PPM1G: variants seen among roughly 807,000 people sequenced by gnomAD.
PPM1G encodes protein phosphatase 1G.
PPM1G carries 12 observed loss-of-function variants against 59.4 expected under a neutral mutation model. That is an observed-to-expected ratio of 0.20 (90% CI 0.13 to 0.33). PPM1G has a LOEUF of 0.33. Ranked by LOEUF, PPM1G falls within the 10% of genes least tolerant of loss-of-function variation. PPM1G has a pLI of 1.00. For synonymous variants in PPM1G, 245 were observed against 251.9 expected, an observed-to-expected ratio of 0.97 and a Z score of 0.26; for missense variants, 392 against 681.3, an observed-to-expected ratio of 0.58 and a Z score of 4.73.
chr2:27,394,675 G>A (rs1384399110), intron 1 of PPM1G, among the ~76,000 whole-genome samples: 11 of 150,922 alleles, frequency 7.3e-5, no homozygotes, highest in Admixed American at 2.0e-4. Context: ...ACCAGGAGGC[G>A]GAGGTTGCAG....
rs550724357 is a variant in PPM1G, at chr2:27,390,796, G to A, written c.121-3638C>T. Among the ~76,000 whole-genome samples, 34 of 152,216 alleles carry A rather than the reference G, an allele frequency of 2.2e-4. No individual in the cohort carries two copies. The South Asian group carries it at 5.6e-3, about 25-fold the overall frequency. ...GTATCAAATAGGTAGTTTTTCAGCT[G>A]TTCCTCTGCCACACAACCCCCACCC... On this transcript the variant is annotated intron_variant, in intron 1 of 9. Coordinates refer to ENST00000344034, the MANE Select transcript of PPM1G (RefSeq NM_177983.3).
At chr2:27,395,943 T>C (rs1040483881) in intron 1 of PPM1G, among the ~76,000 whole-genome samples, 8 of 151,108 alleles carry the variant, frequency 5.3e-5, no homozygotes, top group African/African-American at 1.2e-4. Flanking sequence ...TTGTGTACTG[T>C]TGGTGGAAAT....
intron 1 of PPM1G, among the ~76,000 whole-genome samples, chr2:27,406,582 G>A (rs1477237856): frequency 6.6e-6 from 1 of 152,130 alleles, no homozygotes; most frequent in Non-Finnish European, 1.5e-5. Flanking sequence ...GAATAGTCTA[G>A]TAAGATCTCT....
chr2:27,390,039 T>A (rs1558317962), intron 1 of PPM1G, among the ~76,000 whole-genome samples: 1 of 151,922 alleles, frequency 6.6e-6, no homozygotes, highest in African/African-American at 2.4e-5. Flanking sequence ...GTTTTCTTTT[T>A]TTTTTGAGAT....
intron 9 of PPM1G, 49 bp from the exon 10 acceptor site, chr2:27,381,854 C>T: frequency 6.4e-7 from 1 of 1,565,478 alleles, no homozygotes; most frequent in Non-Finnish European, 8.8e-7. Flanking sequence ...AACACCTTGC[C>T]AGGAATCTAC....
intron 1 of PPM1G, among the ~76,000 whole-genome samples, chr2:27,405,820 T>C (rs1663344769): frequency 6.6e-6 from 1 of 151,788 alleles, no homozygotes; most frequent in African/African-American, 2.4e-5. Flanking sequence ...CTGACCAACA[T>C]GGAGAGACCC....
intron 1 of PPM1G, among the ~76,000 whole-genome samples, chr2:27,404,484 A>T (rs1663292478): frequency 6.6e-6 from 1 of 151,842 alleles, no homozygotes; most frequent in South Asian, 2.1e-4. Context: ...CAAGAGGCGG[A>T]AGTTTCAGTG....
At chr2:27,396,819 CAA>C (rs771980529) in intron 1 of PPM1G, among the ~76,000 whole-genome samples, 10 of 125,312 alleles carry the variant, frequency 8.0e-5, no homozygotes, top group East Asian at 2.3e-4. Context: ...CCGTCTCCAA[CAA>C]AAAAAAAAAA....
chr2:27,383,872 C>T lies in PPM1G; in HGVS notation c.966+80G>A, dbSNP rs1203726114. 2 of 1,531,998 alleles carry T rather than the reference C, an allele frequency of 1.3e-6. No individual in the cohort carries two copies. The highest frequency in any genetic ancestry group is 4.9e-5 in the East Asian group (2 of 40,978). 94.9% of individuals were successfully genotyped at this position (1,531,998 alleles called of 1,614,324 possible). On this transcript the variant is annotated intron_variant, in intron 6 of 9. Transcript: ENST00000344034. The surrounding 1 kb of genome is among the most constrained non-coding windows in gnomAD (Gnocchi z 5.0). ...TCCATCCTAAAGTATCAGGGGGATC[C>T]CCTGTCTCAAAATCAAAATTAGGGG...
Position 27,381,273 on chromosome 2 carries a change from G to C in PPM1G, c.*326C>G. ...AGAGAGCGGGTGCAAGCGGCCGAGG[G>C]CCATGGAGCCGCCAATAAAAAAGAA... is the stretch of plus-strand genomic sequence containing the variant. On this transcript the variant is annotated 3_prime_UTR_variant, in exon 10 of 10. Coordinates refer to ENST00000344034, the MANE Select transcript of PPM1G (RefSeq NM_177983.3). The C allele has an allele frequency of 2.4e-6, 1 of 416,934 alleles. No individual in the cohort carries two copies. Among genetic ancestry groups the C allele is most frequent in the Middle Eastern group, 6.8e-4 (1 of 1,464 alleles). 25.8% of individuals were successfully genotyped at this position (416,934 alleles called of 1,614,324 possible). A position where few individuals can be genotyped will look rare whatever the true frequency, so the allele number is the denominator to read the frequency against.
chr2:27,409,219 CA>C, intron 1 of PPM1G, 83 bp downstream of exon 1: 2 of 1,479,658 alleles, frequency 1.4e-6, no homozygotes, highest in Non-Finnish European at 1.8e-6. Context: ...GGACCCTTCC[CA>C]GGGGAGGACC....
intron 1 of PPM1G, among the ~76,000 whole-genome samples, chr2:27,389,955 G>A (rs192658885): frequency 6.6e-6 from 1 of 152,110 alleles, no homozygotes; most frequent in African/African-American, 2.4e-5. Context: ...GTGACAGAGG[G>A]AGACCCCATC....
rs1305902894 is a variant in PPM1G at position 27,386,164 on chromosome 2, G to A, written c.276+30C>T. The A allele has an allele frequency of 3.2e-6, 5 of 1,571,938 alleles. No individual in the cohort carries two copies. In the South Asian group the frequency reaches 5.5e-5, roughly 17 times the overall value. Reference sequence around the variant, plus strand: ...GAGAACAAGGGAAAAGCCTACACAAGTGAGGAATGGGCGGTGTAAGCAGAC... The same window carrying A: ...GAGAACAAGGGAAAAGCCTACACAAATGAGGAATGGGCGGTGTAAGCAGAC... On this transcript the variant is annotated intron_variant, in intron 3 of 9. Transcript: ENST00000344034.
chr2:27,398,373 G>GAA (rs1684100347), intron 1 of PPM1G, among the ~76,000 whole-genome samples: 1 of 152,162 alleles, frequency 6.6e-6, no homozygotes. Context: ...ATGGATCACA[G>GAA]AAACAGCTAA....
intron 1 of PPM1G, among the ~76,000 whole-genome samples, chr2:27,398,486 C>CT (rs1684102758): frequency 6.6e-6 from 1 of 152,104 alleles, no homozygotes; most frequent in African/African-American, 2.4e-5. Flanking sequence ...ACAAATTGGA[C>CT]TTTATCAAAA....
intron 1 of PPM1G, among the ~76,000 whole-genome samples, 200 bp from the exon 2 acceptor site, chr2:27,387,358 GAAGA>G (rs1001827574): frequency 5.9e-5 from 9 of 152,144 alleles, no homozygotes; most frequent in African/African-American, 9.7e-5. Context: ...AGGAGAAAAG[GAAGA>G]AAGAATCAGG....
At chr2:27,393,308 G>A (rs909027713) in intron 1 of PPM1G, 112 of 1,597,970 alleles carry the variant, frequency 7.0e-5, no homozygotes, top group Non-Finnish European at 9.0e-5. Flanking sequence ...GGCGGTTGAT[G>A]GCGGCCTCTG....
At chr2:27,393,171 T>C in intron 1 of PPM1G, 2 of 1,476,392 alleles carry the variant, frequency 1.4e-6, no homozygotes, top group South Asian at 1.1e-5. Flanking sequence ...TTTCTCAGCA[T>C]GTTCCCTCTC....
intron 1 of PPM1G, among the ~76,000 whole-genome samples, chr2:27,397,997 G>C (rs1039776085): frequency 2.6e-5 from 4 of 152,180 alleles, no homozygotes; most frequent in African/African-American, 9.6e-5. Context: ...TCCCCCAGTT[G>C]ATCTACAGAT....
Sources: gnomAD v4.1 joint callset for allele counts (sites outside exome capture counted in the v4.1 genomes callset) on GRCh38, gnomAD v4.1.1 for gene constraint, Gnocchi (gnomAD v3.1) non-coding constraint, MANE v1.5 for transcripts, NCBI Gene and HGNC (gene_info 2026-07-23, HGNC 2026-07-21) for gene names.